Variants in PSPC1 observed in about 807,000 individuals in gnomAD.
PSPC1 encodes the protein paraspeckle protein 1.
A neutral mutation model predicts 51.6 loss-of-function variants in PSPC1; 14 were observed. The ratio of observed to expected loss-of-function variants is 0.27; its 90% CI spans 0.18 to 0.42. The LOEUF is 0.42. PSPC1 is among the 10% of genes least tolerant of loss of function. The pLI is 1.00. For missense variants in PSPC1, 406 were observed against 701.1 expected (o/e 0.58, Z 4.75); for synonymous variants, 193 against 231.9 (o/e 0.83, Z 1.53).
At position 19,697,172 on chromosome 13, in the gene PSPC1, C is replaced by T. The variant is rs530849849; in HGVS notation, c.1159-19349G>A. Among the ~76,000 whole-genome samples, 6 of 152,266 alleles carry T rather than the reference C, an allele frequency of 3.9e-5. No individual in the cohort carries two copies. In the South Asian group the frequency reaches 1.0e-3, roughly 26 times the overall value. Reference sequence around the variant, plus strand: ...AAACAGATGCTCAAAGGGGTTCTTACCAACAGTAGCAGCGTCATCACATAG... The same window carrying T: ...AAACAGATGCTCAAAGGGGTTCTTATCAACAGTAGCAGCGTCATCACATAG... On this transcript the variant is annotated intron_variant and NMD_transcript_variant, in intron 6 of 7. Transcript: ENST00000471658.
At position 19,772,402 on chromosome 13, in the gene PSPC1, G is replaced by T; in HGVS notation, c.514C>A (p.Leu172Ile). 6.2e-7 allele frequency: 1 copy of T among 1,614,204 alleles called. No individual in the cohort carries two copies. The change falls in exon 2 of 9, where the codon CTA (leucine) becomes ATA (isoleucine). Residue 172 changes from leucine to isoleucine, a missense_variant. Coordinates refer to ENST00000338910, the MANE Select transcript of PSPC1 (RefSeq NM_001354909.2). ...CCAAACTGAGAAAATGCTTGCTCTA[G>T]CAGCTCATTGGAAACAACTGGAGAA... The part of the protein sequence containing the change: ...NLSPVVSNEL[L>I]EQAFSQFGPV...
intron 4 of PSPC1, among the ~76,000 whole-genome samples, chr13:19,744,311 T>C (rs1306435358): frequency 1.3e-5 from 2 of 152,064 alleles, no homozygotes; most frequent in Non-Finnish European, 2.9e-5. Flanking sequence ...ATCACCTTAC[T>C]TGTAACACTG....
downstream of PSPC1, among the ~76,000 whole-genome samples, chr13:19,673,780 G>C (rs551507145): frequency 1.1e-4 from 16 of 152,116 alleles, no homozygotes; most frequent in Non-Finnish European, 2.2e-4. Context: ...CAAATTATCC[G>C]GGGGAAAAAG....
chr13:19,735,600 C>A (rs1884682843), intron 5 of PSPC1, among the ~76,000 whole-genome samples: 3 of 152,144 alleles, frequency 2.0e-5, no homozygotes, highest in African/African-American at 4.8e-5. Flanking sequence ...CTGTCCTAGG[C>A]CAGTTTTTCT....
At chr13:19,727,308 C>G (rs1593633325) in intron 6 of PSPC1, among the ~76,000 whole-genome samples, 1 of 151,988 alleles carries the variant, frequency 6.6e-6, no homozygotes, top group Non-Finnish European at 1.5e-5. Context: ...GCAGGAGAGT[C>G]GCTTGAACCC....
At chr13:19,771,175 T>C (rs1020790012) in intron 2 of PSPC1, among the ~76,000 whole-genome samples, 6 of 151,998 alleles carry the variant, frequency 3.9e-5, no homozygotes, top group African/African-American at 1.4e-4. Context: ...TCTCGCTCTG[T>C]CGCCCAGTCT....
At chr13:19,747,011 G>A (rs750895443) in intron 4 of PSPC1, among the ~76,000 whole-genome samples, 2 of 152,130 alleles carry the variant, frequency 1.3e-5, no homozygotes, top group Non-Finnish European at 1.5e-5. Context: ...AAGAGGCTGA[G>A]GCAGGAGACT....
At chr13:19,672,124 T>C, downstream of PSPC1, 1 of 440,364 alleles carries the variant, frequency 2.3e-6, no homozygotes, top group Non-Finnish European at 4.0e-6. Flanking sequence ...ATATGAGGAT[T>C]ATTTAAGAAA....
chr13:19,722,256 G>T (rs935465050), intron 6 of PSPC1, among the ~76,000 whole-genome samples: 3 of 152,002 alleles, frequency 2.0e-5, no homozygotes, highest in African/African-American at 4.8e-5. Context: ...CAGCACTTTG[G>T]GAGGCAGAGG....
At chr13:19,750,948 T>C (rs1886485344) in intron 4 of PSPC1, among the ~76,000 whole-genome samples, 2 of 152,090 alleles carry the variant, frequency 1.3e-5, no homozygotes, top group Non-Finnish European at 2.9e-5. Flanking sequence ...TTTGTATTTT[T>C]AGTAGAGATG....
At chr13:19,723,567 T>A (rs190850464) in intron 6 of PSPC1, among the ~76,000 whole-genome samples, 11 of 152,282 alleles carry the variant, frequency 7.2e-5, no homozygotes, top group Admixed American at 2.6e-4. Flanking sequence ...CCACACATCA[T>A]TAGATATTAT....
intron 1 of PSPC1, among the ~76,000 whole-genome samples, chr13:19,778,712 G>A (rs1318573744): frequency 6.5e-5 from 9 of 139,292 alleles, no homozygotes; most frequent in African/African-American, 1.5e-4. Flanking sequence ...GCGTGATCTC[G>A]GCTCGCTACA....
At chr13:19,766,927 G>A (rs1425941033) in intron 2 of PSPC1, among the ~76,000 whole-genome samples, 1 of 152,046 alleles carries the variant, frequency 6.6e-6, no homozygotes, top group Non-Finnish European at 1.5e-5. Context: ...ACTCTGGGAG[G>A]CTGAGGCCAG....
In PSPC1 at chr13:19,702,895, T is replaced by C; in HGVS notation, c.*280A>G. ...TAAATTATCCAAAATGATTTCTTTA[T>C]TGAGATTAACTACATAGATTTCACA... On this transcript the variant is annotated 3_prime_UTR_variant, in exon 9 of 9. Transcript: ENST00000338910. 1 of 221,738 alleles carries C rather than the reference T, an allele frequency of 4.5e-6. No homozygotes were observed. Among genetic ancestry groups the C allele is most frequent in the Admixed American group, 5.2e-5 (1 of 19,388 alleles). The allele number at this position is 221,738 out of a possible 1,614,324, so 13.7% of individuals were successfully genotyped here.
chr13:19,717,728 A>G (rs939790277), intron 6 of PSPC1, among the ~76,000 whole-genome samples: 10 of 148,286 alleles, frequency 6.7e-5, no homozygotes, highest in African/African-American at 2.0e-4. Context: ...AAAAAAAAAA[A>G]GTTAGCCGGG....
At chr13:19,726,248 T>C (rs1883348821) in intron 6 of PSPC1, among the ~76,000 whole-genome samples, 1 of 152,196 alleles carries the variant, frequency 6.6e-6, no homozygotes, top group Admixed American at 6.5e-5. Context: ...ACTCCCAGGA[T>C]CCATGAAAAA....
downstream of PSPC1, among the ~76,000 whole-genome samples, chr13:19,701,755 A>G (rs1268907836): frequency 6.6e-6 from 1 of 152,224 alleles, no homozygotes; most frequent in Non-Finnish European, 1.5e-5. Flanking sequence ...TTAAAATAGC[A>G]TATTATCTTT....
intron 2 of PSPC1, among the ~76,000 whole-genome samples, chr13:19,761,897 C>A (rs889271644): frequency 1.3e-5 from 2 of 152,128 alleles, no homozygotes; most frequent in African/African-American, 4.8e-5. Context: ...TCCAGTAACA[C>A]AAGACCATCC....
intron 3 of PSPC1, among the ~76,000 whole-genome samples, chr13:19,758,589 T>C (rs535993638): frequency 6.6e-6 from 1 of 152,180 alleles, no homozygotes; most frequent in South Asian, 2.1e-4. Flanking sequence ...TCCTAGCACT[T>C]TGGGAGGCCT....
Sources: gnomAD v4.1 joint callset for allele counts (sites outside exome capture counted in the v4.1 genomes callset) on GRCh38, gnomAD v4.1.1 for gene constraint, MANE v1.5 for transcripts, NCBI Gene and HGNC (gene_info 2026-07-23, HGNC 2026-07-21) for gene names.